Variants in SNX2 observed in about 807,000 individuals in gnomAD.
SNX2 encodes the protein sorting nexin 2, also known as sorting nexin-2.
A neutral mutation model predicts 69.9 loss-of-function variants in SNX2; 25 were observed. That is an observed-to-expected ratio of 0.36 (90% CI 0.26 to 0.50). The LOEUF (loss-of-function observed/expected upper bound fraction) is 0.50. SNX2 is among the 20% of genes least tolerant of loss of function. The pLI is 0.97. For synonymous variants in SNX2, 229 were observed against 200.4 expected (o/e 1.14, Z -1.20); for missense variants, 551 against 613.3 (o/e 0.90, Z 1.07).
intron 2 of SNX2, among the ~76,000 whole-genome samples, chr5:122,799,039 T>C (rs1231315112): frequency 1.3e-5 from 2 of 152,206 alleles, no homozygotes; most frequent in South Asian, 2.1e-4. Context: ...TCTGTTGCAC[T>C]TAGCACAATG....
rs1220083261 is a variant in SNX2 at position 122,815,932 on chromosome 5, A to G, written c.759A>G (p.Leu253=). The change falls in exon 8 of 15, where the codon CTA becomes CTG. Residue 253 remains leucine (L), a synonymous_variant. Coordinates refer to ENST00000379516, the MANE Select transcript of SNX2 (RefSeq NM_003100.4). ...GAACAGTAAAACATCCAACTTTACT[A>G]CAGGATCCTGATTTAAGGCAGTTCT... ...LQRTVKHPTL[L]QDPDLRQFLE... is the part of the protein sequence containing the mutation. 6.3e-7 allele frequency: 1 copy of G among 1,599,392 alleles called. No individual in the cohort carries two copies. The highest frequency in any genetic ancestry group is 8.5e-7 in the Non-Finnish European group (1 of 1,170,472).
intron 3 of SNX2, among the ~76,000 whole-genome samples, chr5:122,800,706 CTTT>C (rs1395217962): frequency 1.3e-5 from 2 of 152,094 alleles, no homozygotes; most frequent in Non-Finnish European, 2.9e-5. Context: ...AATTTATATA[CTTT>C]TTATGTAATG....
Position 122,803,624 on chromosome 5 carries a change from A to G in SNX2, c.643+11A>G, listed in dbSNP as rs1753563583. 1 of 1,584,422 alleles carries G rather than the reference A, an allele frequency of 6.3e-7. No individual in the cohort carries two copies. Among genetic ancestry groups the G allele is most frequent in the Non-Finnish European group, 8.6e-7 (1 of 1,168,150 alleles). ...AAAAGAGTATAGTAGGTAAGCACAA[A>G]TTTTTCAAAAATTAATTTTTGTTAC... On this transcript the variant is annotated intron_variant, in intron 6 of 14. Coordinates refer to ENST00000379516, the MANE Select transcript of SNX2 (RefSeq NM_003100.4).
At chr5:122,790,439 A>G (rs1753207417) in intron 1 of SNX2, among the ~76,000 whole-genome samples, 1 of 152,122 alleles carries the variant, frequency 6.6e-6, no homozygotes, top group Non-Finnish European at 1.5e-5. Flanking sequence ...TCCACTTCTA[A>G]GCTCACTCTC....
At chr5:122,827,194 A>G in intron 12 of SNX2, 185 bp from the exon 13 acceptor site, 1 of 579,122 alleles carries the variant, frequency 1.7e-6, no homozygotes, top group South Asian at 2.3e-5. Flanking sequence ...ATTAAAGGAA[A>G]TTAAGCTAAC....
intron 11 of SNX2, among the ~76,000 whole-genome samples, chr5:122,825,214 A>G (rs1420279798): frequency 1.3e-5 from 2 of 152,258 alleles, no homozygotes; most frequent in East Asian, 3.9e-4. Flanking sequence ...TTACTTCATG[A>G]ATGTTTGATT....
At chr5:122,775,856 T>A in intron 1 of SNX2, 1 of 835,900 alleles carries the variant, frequency 1.2e-6, no homozygotes. Context: ...GCAGGATTAG[T>A]CCAGGAAACT....
chr5:122,785,187 CTCCTGT>C (rs1753058749), intron 1 of SNX2, among the ~76,000 whole-genome samples: 1 of 151,192 alleles, frequency 6.6e-6, no homozygotes, highest in Admixed American at 6.6e-5. Context: ...GATTTTTTTC[CTCCTGT>C]TGTTTCTGTT....
intron 1 of SNX2, among the ~76,000 whole-genome samples, chr5:122,784,354 G>A (rs1043473931): frequency 3.3e-5 from 5 of 151,248 alleles, no homozygotes; most frequent in African/African-American, 9.7e-5. Context: ...TTTTTTTAAT[G>A]AGCTTAATCA....
At chr5:122,797,467 T>C (rs1298743957) in intron 2 of SNX2, among the ~76,000 whole-genome samples, 1 of 143,966 alleles carries the variant, frequency 6.9e-6, no homozygotes, top group Non-Finnish European at 1.5e-5. Flanking sequence ...AGACCTAATC[T>C]GATCATTTTT....
At chr5:122,826,885 C>A (rs1754161313) in intron 12 of SNX2, among the ~76,000 whole-genome samples, 1 of 151,836 alleles carries the variant, frequency 6.6e-6, no homozygotes, top group African/African-American at 2.4e-5. Context: ...GGTCATTTTA[C>A]CATTACAAAA....
At chr5:122,783,803 A>G (rs1753025700) in intron 1 of SNX2, among the ~76,000 whole-genome samples, 1 of 152,124 alleles carries the variant, frequency 6.6e-6, no homozygotes, top group Non-Finnish European at 1.5e-5. Context: ...TTTCTACTGA[A>G]AAATCCTGCT....
chr5:122,812,161 A>C (rs1178041279), intron 7 of SNX2, among the ~76,000 whole-genome samples: 1 of 152,180 alleles, frequency 6.6e-6, no homozygotes, highest in South Asian at 2.1e-4. Flanking sequence ...TACAGTAGTC[A>C]TTCTAAAATA....
intron 10 of SNX2, among the ~76,000 whole-genome samples, chr5:122,817,668 G>T (rs922427287): frequency 5.9e-5 from 9 of 151,964 alleles, no homozygotes; most frequent in African/African-American, 2.2e-4. Context: ...TTAAAACTTG[G>T]TCACTTGATT....
intron 1 of SNX2, among the ~76,000 whole-genome samples, chr5:122,792,067 C>T (rs1322193172): frequency 6.6e-6 from 1 of 152,150 alleles, no homozygotes; most frequent in Non-Finnish European, 1.5e-5. Flanking sequence ...CTTTAAATTC[C>T]TTCAAGTGAA....
In SNX2 at chr5:122,831,050, G is replaced by A. The variant is rs1288984184; in HGVS notation, c.*1402G>A. On this transcript the variant is annotated 3_prime_UTR_variant, in exon 15 of 15. Transcript: ENST00000379516. ...AAAAAAAAAGATGACTGGTGTCAGAGCTATTTTTGTTTTTTAAAAAATATT... is the reference window on the plus strand; with the variant it reads ...AAAAAAAAAGATGACTGGTGTCAGAACTATTTTTGTTTTTTAAAAAATATT... Among the ~76,000 whole-genome samples, 6 of 145,932 alleles carry A rather than the reference G, an allele frequency of 4.1e-5. 1 individual carries two copies. In the East Asian group the frequency reaches 1.2e-3, roughly 29 times the overall value.
intron 11 of SNX2, among the ~76,000 whole-genome samples, chr5:122,823,959 T>C (rs1169295631): frequency 6.6e-6 from 1 of 152,138 alleles, no homozygotes; most frequent in Non-Finnish European, 1.5e-5. Context: ...CCCAGCACTT[T>C]GGGAGGCCGA....
In SNX2 at chr5:122,833,783, T is replaced by G. The variant is rs1702833225; in HGVS notation, c.*4135T>G. On this transcript the variant is annotated 3_prime_UTR_variant, in exon 15 of 15. Coordinates refer to ENST00000379516, the MANE Select transcript of SNX2 (RefSeq NM_003100.4). ...AATGAGTTTACTGTGGAAATGAAAA[T>G]GCAGAGTAAGTCCAACAGCTAGTTT... 1 of 152,190 alleles carries G rather than the reference T, an allele frequency of 6.6e-6. No homozygotes were observed. The highest frequency in any genetic ancestry group is 2.1e-4 in the South Asian group (1 of 4,834). 9.4% of individuals were successfully genotyped at this position (152,190 alleles called of 1,614,324 possible). A position where few individuals can be genotyped will look rare whatever the true frequency, so the allele number is the denominator to read the frequency against.
chr5:122,808,280 T>C lies in SNX2; in HGVS notation c.647T>C (p.Met216Thr). Residue 216 changes from methionine (M) to threonine (T), a missense_variant, in exon 7 of 15, where the codon ATG (methionine) becomes ACG (threonine). Met to Thr is a moderately conservative substitution (Grantham distance 81, BLOSUM62 -1). Around this residue, in one of 2 missense-constraint regions of SNX2, gnomAD observed 360 missense variants for 450.4 expected, o/e 0.80. Transcript: ENST00000379516. The part of the protein sequence containing the change: ...PPAPEKSIVG[M>T]TKVKVGKEDS... Reference sequence around the variant, plus strand: ...ATCTCATTCAACTTCTTCAAAGGGATGACCAAGGTCAAAGTGGGTAAAGAA... The same window carrying C: ...ATCTCATTCAACTTCTTCAAAGGGACGACCAAGGTCAAAGTGGGTAAAGAA... 6.2e-7 allele frequency: 1 copy of C among 1,603,600 alleles called. No homozygotes were observed. Among genetic ancestry groups the C allele is most frequent in the Non-Finnish European group, 8.5e-7 (1 of 1,174,958 alleles).
Sources: allele counts gnomAD v4.1 joint callset (sites outside exome capture counted in the v4.1 genomes callset), GRCh38; gene constraint gnomAD v4.1.1; regional missense constraint gnomAD v4.1.1; transcripts MANE v1.5; gene names NCBI Gene and HGNC (gene_info 2026-07-23, HGNC 2026-07-21).